IQCM: variants seen among roughly 807,000 people sequenced by gnomAD.
IQCM encodes IQ motif containing M, also known as IQ domain-containing protein M.
IQCM carries 45 observed loss-of-function variants against 57.6 expected under a neutral mutation model. The observed-to-expected ratio is 0.78, with a 90% CI of 0.62 to 1.00. The LOEUF is 1.00. Ranked by LOEUF, IQCM falls within the 50% of genes least tolerant of loss-of-function variation. The pLI is 0.00. For missense variants in IQCM, 468 were observed against 511.6 expected (o/e 0.91, Z 0.82); for synonymous variants, 148 against 158.9 (o/e 0.93, Z 0.51).
intron 9 of IQCM, among the ~76,000 whole-genome samples, chr4:149,572,027 T>G (rs1751208296): frequency 6.6e-6 from 1 of 152,008 alleles, no homozygotes; most frequent in African/African-American, 2.4e-5. Flanking sequence ...GAGCTCCCCT[T>G]CTTTATATAA....
chr4:149,801,889 T>C (rs1773636326), intron 2 of IQCM, among the ~76,000 whole-genome samples: 1 of 151,948 alleles, frequency 6.6e-6, no homozygotes, highest in South Asian at 2.1e-4. Context: ...ACTAAACTAG[T>C]ATAATTGGAT....
chr4:149,363,598 A>G (rs1319331397), intron 13 of IQCM, among the ~76,000 whole-genome samples: 4 of 152,114 alleles, frequency 2.6e-5, no homozygotes, highest in Non-Finnish European at 5.9e-5. Flanking sequence ...CTAGCTCCTG[A>G]GTCTATCATC....
intron 2 of IQCM, among the ~76,000 whole-genome samples, chr4:149,751,157 G>T (rs1447510656): frequency 6.6e-6 from 1 of 152,172 alleles, no homozygotes; most frequent in Non-Finnish European, 1.5e-5. Flanking sequence ...ACATAGGGCT[G>T]TAAGTGATTT....
At chr4:149,465,824 A>T (rs556765157) in intron 12 of IQCM, among the ~76,000 whole-genome samples, 1 of 152,190 alleles carries the variant, frequency 6.6e-6, no homozygotes, top group East Asian at 1.9e-4. Context: ...GAGAAAAAAA[A>T]ATAGTAGGGA....
At chr4:149,748,665 T>C (rs569552387) in intron 2 of IQCM, 2 of 152,276 alleles carry the variant, frequency 1.3e-5, no homozygotes, top group East Asian at 1.9e-4. Context: ...GACATGTACA[T>C]TGAAGGTCAC....
At chr4:149,739,960 A>G (rs1397615835) in intron 3 of IQCM, among the ~76,000 whole-genome samples, 1 of 152,214 alleles carries the variant, frequency 6.6e-6, no homozygotes, top group African/African-American at 2.4e-5. Flanking sequence ...AAGTGAAGAT[A>G]CAAAAAGAAA....
chr4:149,540,566 G>A (rs1747751073), intron 12 of IQCM, among the ~76,000 whole-genome samples: 1 of 151,938 alleles, frequency 6.6e-6, no homozygotes, highest in East Asian at 1.9e-4. Flanking sequence ...AGAATGAAAA[G>A]TCAAATTGCC....
At chr4:149,729,457 T>C (rs978300381) in intron 5 of IQCM, among the ~76,000 whole-genome samples, 9 of 117,956 alleles carry the variant, frequency 7.6e-5, no homozygotes, top group Admixed American at 6.3e-4. Flanking sequence ...AGTCTTTTTT[T>C]GTTGTTTTTT....
intron 10 of IQCM, among the ~76,000 whole-genome samples, chr4:149,560,380 G>A (rs907539773): frequency 6.6e-6 from 1 of 151,980 alleles, no homozygotes; most frequent in Admixed American, 6.6e-5. Context: ...CCATTCCAAT[G>A]TCCTGGAATT....
At chr4:149,680,135 T>C (rs1762073477) in intron 7 of IQCM, among the ~76,000 whole-genome samples, 1 of 151,370 alleles carries the variant, frequency 6.6e-6, no homozygotes, top group Non-Finnish European at 1.5e-5. Flanking sequence ...TGAAAATCCC[T>C]ATTCTTATCT....
At chr4:149,541,841 A>G (rs1747881503) in intron 12 of IQCM, among the ~76,000 whole-genome samples, 1 of 152,138 alleles carries the variant, frequency 6.6e-6, no homozygotes, top group Admixed American at 6.6e-5. Context: ...ACACTAAAGT[A>G]GTTAATCAAT....
At chr4:149,746,952 C>G (rs986608949) in intron 2 of IQCM, among the ~76,000 whole-genome samples, 2 of 152,174 alleles carry the variant, frequency 1.3e-5, no homozygotes, top group Non-Finnish European at 2.9e-5. Flanking sequence ...CAGGCCTCAT[C>G]AGGTGTCTCT....
At chr4:149,705,472 C>T (rs1469641795) in intron 5 of IQCM, among the ~76,000 whole-genome samples, 1 of 151,582 alleles carries the variant, frequency 6.6e-6, no homozygotes, top group African/African-American at 2.4e-5. Flanking sequence ...ATAACACCTC[C>T]ATCAGAGGGT....
chr4:149,492,768 G>A (rs112435473), intron 12 of IQCM, among the ~76,000 whole-genome samples: 50 of 152,176 alleles, frequency 3.3e-4, no homozygotes, highest in African/African-American at 9.4e-4. Flanking sequence ...CAACTTTCAC[G>A]AAGCTTAAAA....
At chr4:149,599,651 A>T (rs1210916228) in intron 8 of IQCM, among the ~76,000 whole-genome samples, 1 of 152,160 alleles carries the variant, frequency 6.6e-6, no homozygotes. Context: ...TAAATTGAGC[A>T]TATCACCCTG....
At chr4:149,521,084 C>T (rs756468639) in intron 12 of IQCM, among the ~76,000 whole-genome samples, 1 of 152,014 alleles carries the variant, frequency 6.6e-6, no homozygotes, top group Non-Finnish European at 1.5e-5. Context: ...CTGTTCTTAC[C>T]CAAAGTGTCA....
chr4:149,500,293 A>G (rs1281359078), intron 12 of IQCM, among the ~76,000 whole-genome samples: 2 of 152,240 alleles, frequency 1.3e-5, no homozygotes, highest in African/African-American at 4.8e-5. Context: ...GATCCAAGAC[A>G]GCAAAGTGTC....
chr4:149,775,623 A>G (rs976171621), intron 2 of IQCM, among the ~76,000 whole-genome samples: 4 of 145,480 alleles, frequency 2.7e-5, no homozygotes, highest in Non-Finnish European at 3.1e-5. Flanking sequence ...TTCTAAGTGC[A>G]TATTTTCCAA....
intron 5 of IQCM, among the ~76,000 whole-genome samples, chr4:149,716,676 T>C (rs1215747688): frequency 6.6e-6 from 1 of 152,206 alleles, no homozygotes; most frequent in African/African-American, 2.4e-5. Flanking sequence ...TGCTATTGTA[T>C]GTCTAAAGCT....
Sources: gnomAD v4.1 joint callset for allele counts (sites outside exome capture counted in the v4.1 genomes callset) on GRCh38, gnomAD v4.1.1 for gene constraint, MANE v1.5 for transcripts, NCBI Gene and HGNC (gene_info 2026-07-23, HGNC 2026-07-21) for gene names.